Variants in LIPA observed in about 807,000 individuals in gnomAD.
LIPA encodes lysosomal acid lipase/cholesteryl ester hydrolase.
In LIPA, 26 loss-of-function variants were observed where a neutral mutation model predicts 40.6. The ratio of observed to expected loss-of-function variants is 0.64; its 90% CI spans 0.47 to 0.89. LIPA has a LOEUF of 0.89. Ranked by LOEUF, LIPA falls within the 40% of genes least tolerant of loss-of-function variation. The pLI is 0.00. For missense variants in LIPA, 455 were observed against 479.6 expected (o/e 0.95, Z 0.48); for synonymous variants, 188 against 168.4 (o/e 1.12, Z -0.90).
chr10:89,412,531 G>A lies in LIPA; in HGVS notation c.61+260C>T, dbSNP rs376443225. 8.8e-4 allele frequency: 156 copies of A among 176,732 alleles called. 2 individuals carry two copies. Among genetic ancestry groups the A allele is most frequent in the African/African-American group, 3.4e-3 (141 of 41,802 alleles). 10.9% of individuals were successfully genotyped at this position (176,732 alleles called of 1,614,324 possible). ...CCCAGCCAGCAGCGGCAACCTGCTCGGGTCTGCTTCCACGTCGTGGAAGTT... is the reference window on the plus strand; with the variant it reads ...CCCAGCCAGCAGCGGCAACCTGCTCAGGTCTGCTTCCACGTCGTGGAAGTT... On this transcript the variant is annotated intron_variant, in intron 2 of 8. Coordinates refer to the LIPA transcript ENST00000371837.
In LIPA at chr10:89,299,764, T is replaced by A. The variant is rs560101375; in HGVS notation, c.-2+42847A>T. On this transcript the variant is annotated intron_variant, in intron 1 of 5. Coordinates refer to the LIPA transcript ENST00000282673. ...GTATGGCTATTATTAAAAAAAAAAA[T>A]AACAAATGCTGGCAAGGATGCAGGG... Among the ~76,000 whole-genome samples, 289 of 150,430 alleles carry A rather than the reference T, an allele frequency of 1.9e-3. 1 individual carries two copies. The highest frequency in any genetic ancestry group is 3.4e-3 in the Middle Eastern group (1 of 292).
chr10:89,365,931 C>A (rs781501), intron 2 of LIPA, among the ~76,000 whole-genome samples: 2 of 151,970 alleles, frequency 1.3e-5, no homozygotes, highest in Non-Finnish European at 2.9e-5. Flanking sequence ...CTTGGCAATG[C>A]GGGCTCTTTT....
upstream of LIPA, among the ~76,000 whole-genome samples, chr10:89,346,250 C>T (rs1333251729): frequency 6.6e-6 from 1 of 152,184 alleles, no homozygotes; most frequent in East Asian, 1.9e-4. Context: ...CTTTACGCAG[C>T]TTCCCATCAT....
At chr10:89,260,579 G>A (rs1843202563) in intron 1 of LIPA, among the ~76,000 whole-genome samples, 1 of 152,200 alleles carries the variant, frequency 6.6e-6, no homozygotes, top group African/African-American at 2.4e-5. Context: ...GCCTATGCAC[G>A]CTTGGGCCTC....
intron 2 of LIPA, 88 bp downstream of exon 2, chr10:89,247,450 G>C (rs1445194909): frequency 3.2e-6 from 2 of 617,170 alleles, no homozygotes; most frequent in African/African-American, 1.9e-5. Flanking sequence ...ATAAAGAGAT[G>C]AATGTATGGG....
At chr10:89,249,718 G>A (rs1564766910) in intron 1 of LIPA, among the ~76,000 whole-genome samples, 1 of 152,164 alleles carries the variant, frequency 6.6e-6, no homozygotes, top group Non-Finnish European at 1.5e-5. Flanking sequence ...GCAGATCAGT[G>A]GTTTCCTGGA....
chr10:89,369,923 C>A (rs1844082233), intron 2 of LIPA, among the ~76,000 whole-genome samples: 1 of 152,208 alleles, frequency 6.6e-6, no homozygotes, highest in South Asian at 2.1e-4. Context: ...TAGGAAGTTT[C>A]TTAATGAACT....
intron 8 of LIPA, among the ~76,000 whole-genome samples, chr10:89,217,948 G>C (rs1325039959): frequency 6.6e-6 from 1 of 152,104 alleles, no homozygotes; most frequent in Non-Finnish European, 1.5e-5. Flanking sequence ...GTATGCCACT[G>C]TCATAAATAT....
At chr10:89,385,623 A>G (rs1029943022) in intron 2 of LIPA, among the ~76,000 whole-genome samples, 1 of 152,248 alleles carries the variant, frequency 6.6e-6, no homozygotes, top group Non-Finnish European at 1.5e-5. Context: ...AAGAGTTAGA[A>G]AGGAGGGAAT....
chr10:89,330,942 G>A (rs1429729033), intron 1 of LIPA, among the ~76,000 whole-genome samples: 1 of 152,184 alleles, frequency 6.6e-6, no homozygotes, highest in Non-Finnish European at 1.5e-5. Context: ...AGAATCTCTG[G>A]GAGTAGGACT....
At chr10:89,247,869 T>TATTTA (rs1843052147) in intron 1 of LIPA, 1 of 176,546 alleles carries the variant, frequency 5.7e-6, no homozygotes, top group African/African-American at 2.4e-5. Context: ...TTTATTTATT[T>TATTTA]ATTTATTTAT....
intron 2 of LIPA, among the ~76,000 whole-genome samples, chr10:89,397,111 A>C (rs2133620351): frequency 6.6e-6 from 1 of 152,286 alleles, no homozygotes; most frequent in African/African-American, 2.4e-5. Flanking sequence ...GTTTTGATCT[A>C]ATTCATGTAG....
rs1024037941 is a variant in LIPA at position 89,396,657 on chromosome 10, A to G, written c.61+16134T>C. On this transcript the variant is annotated intron_variant, in intron 2 of 8. Transcript: ENST00000371837. The stretch of plus-strand genomic sequence containing the variant: ...TAGACCCTACCTCCAAAATTGTGAC[A>G]CTAGAGATCAAATTTCCGTAGATTT... Among the ~76,000 whole-genome samples the G allele has an allele frequency of 7.9e-4, 121 of 152,222 alleles. 1 individual carries two copies. Among genetic ancestry groups the G allele is most frequent in the African/African-American group, 2.9e-3 (119 of 41,454 alleles).
chr10:89,386,003 T>A (rs922681013), intron 2 of LIPA, among the ~76,000 whole-genome samples: 11 of 152,246 alleles, frequency 7.2e-5, no homozygotes, highest in Non-Finnish European at 1.5e-4. Flanking sequence ...AGTGATGGAA[T>A]AGAAACCTGA....
At chr10:89,218,246 C>T (rs1250170726) in intron 8 of LIPA, among the ~76,000 whole-genome samples, 6 of 152,200 alleles carry the variant, frequency 3.9e-5, no homozygotes, top group African/African-American at 1.4e-4. Flanking sequence ...TACCCTCTCC[C>T]TTACTAAGTC....
intron 1 of LIPA, among the ~76,000 whole-genome samples, chr10:89,265,030 G>A (rs1843227990): frequency 6.6e-6 from 1 of 152,226 alleles, no homozygotes; most frequent in African/African-American, 2.4e-5. Context: ...AGGAGGCCCA[G>A]GCAGCAGGGG....
chr10:89,342,235 T>C (rs1482489345), intron 1 of LIPA, among the ~76,000 whole-genome samples: 1 of 152,178 alleles, frequency 6.6e-6, no homozygotes, highest in Non-Finnish European at 1.5e-5. Context: ...GAATGGGACA[T>C]ACCACTCAAG....
chr10:89,222,120 T>C (rs1842706908), intron 8 of LIPA, among the ~76,000 whole-genome samples: 1 of 151,852 alleles, frequency 6.6e-6, no homozygotes. Context: ...CAAAACGGAC[T>C]TAAAATCACT....
At chr10:89,250,071 T>C (rs1843092728) in intron 1 of LIPA, among the ~76,000 whole-genome samples, 1 of 125,422 alleles carries the variant, frequency 8.0e-6, no homozygotes, top group African/African-American at 3.1e-5. Flanking sequence ...TCTTTTCTTT[T>C]TTCTTTTTTC....
Sources: allele counts gnomAD v4.1 joint callset (sites outside exome capture counted in the v4.1 genomes callset), GRCh38; gene constraint gnomAD v4.1.1; transcripts MANE v1.5; gene names NCBI Gene and HGNC (gene_info 2026-07-23, HGNC 2026-07-21).